The following ZBTB41 variants were observed in gnomAD, a reference collection of about 807,000 sequenced individuals.
The protein encoded by ZBTB41 is zinc finger and BTB domain-containing protein 41.
In ZBTB41, 42 loss-of-function variants were observed where a neutral mutation model predicts 87.6. The observed-to-expected ratio is 0.48, with a 90% confidence interval of 0.37 to 0.62. The LOEUF is 0.62. Ranked by LOEUF, ZBTB41 falls within the 20% of genes least tolerant of loss-of-function variation. The pLI, the probability that ZBTB41 is intolerant of heterozygous loss-of-function variation, is 0.00. For synonymous variants in ZBTB41, 364 were observed against 364.0 expected (o/e 1.00, Z 0.00); for missense variants, 799 against 1,078.9 (o/e 0.74, Z 3.63).
At chr1:197,179,408 T>C (rs1274027926) in intron 6 of ZBTB41, among the ~76,000 whole-genome samples, 2 of 152,126 alleles carry the variant, frequency 1.3e-5, no homozygotes, top group Admixed American at 1.3e-4. Flanking sequence ...TATATAGGCA[T>C]AGCACATACA....
rs1020917988 is a variant in ZBTB41, at chr1:197,157,914, A to C, written c.*1445T>G. 3.3e-5 allele frequency: 5 copies of C among 152,460 alleles called. No individual in the cohort carries two copies. Among genetic ancestry groups the C allele is most frequent in the South Asian group, 4.1e-4 (2 of 4,824 alleles). The allele number at this position is 152,460 out of a possible 1,614,324, so 9.4% of individuals were successfully genotyped here. ...TAGACTTTACAGTTTACACACACAA[A>C]AAAAGTGCTTAAAGCAATTAGGAGT... is the stretch of plus-strand genomic sequence containing the variant. On this transcript the variant is annotated 3_prime_UTR_variant, in exon 11 of 11. Coordinates refer to ENST00000367405, the MANE Select transcript of ZBTB41 (RefSeq NM_194314.3).
chr1:197,176,193 ACTT>A (rs79450517), intron 8 of ZBTB41, among the ~76,000 whole-genome samples: 47 of 152,034 alleles, frequency 3.1e-4, no homozygotes, highest in Non-Finnish European at 6.0e-4. Context: ...AGTTTCACCA[ACTT>A]CTTCTCAAAT....
In ZBTB41 at chr1:197,159,075, A is replaced by G; in HGVS notation, c.*284T>C. 1 of 313,000 alleles carries G rather than the reference A, an allele frequency of 3.2e-6. No individual in the cohort carries two copies. The highest frequency in any genetic ancestry group is 5.9e-6 in the Non-Finnish European group (1 of 170,298). The allele number at this position is 313,000 out of a possible 1,614,324, so 19.4% of individuals were successfully genotyped here. A position where few individuals can be genotyped will look rare whatever the true frequency, so the allele number is the denominator to read the frequency against. ...GATGATTAAAAAAAATACTTCCATA[A>G]TATCAGCAGCTAATAATTGCAAAAA... On this transcript the variant is annotated 3_prime_UTR_variant, in exon 11 of 11. Transcript: ENST00000367405.
At chr1:197,182,266 C>T (rs779489160) in intron 5 of ZBTB41, among the ~76,000 whole-genome samples, 2 of 152,162 alleles carry the variant, frequency 1.3e-5, no homozygotes, top group Non-Finnish European at 2.9e-5. Flanking sequence ...TTCAGCTGGG[C>T]AAAGGAAGAA....
chr1:197,191,936 A>C, intron 2 of ZBTB41, 37 bp from the exon 3 acceptor site: 1 of 1,493,494 alleles, frequency 6.7e-7, no homozygotes, highest in Admixed American at 2.1e-5. Flanking sequence ...AATTTAGTAC[A>C]TTTGCTATAC....
At chr1:197,185,782 A>C (rs894770441) in intron 5 of ZBTB41, among the ~76,000 whole-genome samples, 4 of 152,220 alleles carry the variant, frequency 2.6e-5, no homozygotes, top group African/African-American at 7.2e-5. Context: ...TAAATCTAAC[A>C]ACATAGGTAC....
At chr1:197,169,433 T>C (rs1269602837) in intron 10 of ZBTB41, among the ~76,000 whole-genome samples, 1 of 151,954 alleles carries the variant, frequency 6.6e-6, no homozygotes, top group Non-Finnish European at 1.5e-5. Context: ...ATTTATTAGG[T>C]AAAAGAATCC....
At position 197,176,697 on chromosome 1, in the gene ZBTB41, A is replaced by G. The variant is rs1427513274; in HGVS notation, c.1773-27T>C. The G allele has an allele frequency of 4.7e-6, 7 of 1,497,898 alleles. No individual in the cohort carries two copies. In the East Asian group the frequency reaches 1.4e-4, roughly 29 times the overall value. 92.8% of individuals were successfully genotyped at this position (1,497,898 alleles called of 1,614,324 possible). A position where few individuals can be genotyped will look rare whatever the true frequency, so the allele number is the denominator to read the frequency against. On this transcript the variant is annotated intron_variant, in intron 7 of 10. Transcript: ENST00000367405. ...TATAAAGAAAAAAGAATTGAACACCATTAAAACTGGTGACATAGAAGGAAA... is the reference window on the plus strand; with the variant it reads ...TATAAAGAAAAAAGAATTGAACACCGTTAAAACTGGTGACATAGAAGGAAA...
intron 8 of ZBTB41, 33 bp from the exon 9 acceptor site, chr1:197,175,148 A>T (rs1659571453): frequency 6.4e-7 from 1 of 1,562,048 alleles, no homozygotes; most frequent in Non-Finnish European, 8.8e-7. Flanking sequence ...TTTCATTATA[A>T]TATACATCTC....
chr1:197,195,640 T>C (rs746983278), intron 2 of ZBTB41, among the ~76,000 whole-genome samples: 4 of 152,140 alleles, frequency 2.6e-5, no homozygotes, highest in East Asian at 1.9e-4. Flanking sequence ...CTAGAAGAGA[T>C]TGTGAATTTA....
intron 5 of ZBTB41, among the ~76,000 whole-genome samples, chr1:197,184,637 T>C (rs10922177): frequency 0.18 from 26,759 of 152,096 alleles, 3,851 homozygotes; most frequent in East Asian, 0.69. Context: ...AAAACTACAT[T>C]TGTTTTGTAA....
rs780728786 is a variant in ZBTB41, at chr1:197,175,129, C to A, written c.1880-14G>T. The stretch of plus-strand genomic sequence containing the variant: ...GAGCTTTTTCACCTTAAAATAAAGA[C>A]CCAAATATTTTCATTATAATATACA... On this transcript the variant is annotated splice_polypyrimidine_tract_variant and intron_variant, in intron 8 of 10. Transcript: ENST00000367405. 1.2e-6 allele frequency: 2 copies of A among 1,601,014 alleles called. No homozygotes were observed. Among genetic ancestry groups the A allele is most frequent in the Non-Finnish European group, 1.7e-6 (2 of 1,171,582 alleles).
intron 7 of ZBTB41, among the ~76,000 whole-genome samples, chr1:197,177,706 CCT>C: frequency 1.3e-5 from 2 of 151,890 alleles, no homozygotes; most frequent in South Asian, 4.2e-4. Context: ...ATCTCCAGAG[CCT>C]CTCTCTCTAT....
In ZBTB41 at chr1:197,191,539, C is replaced by A. The variant is rs112430461; in HGVS notation, c.1328+153G>T. ...TTTCTGAAGACAGACTTGCCAAAAC[C>A]CAAGAAAGAAAACAGGATAATCAAA... On this transcript the variant is annotated intron_variant, in intron 3 of 10. Transcript: ENST00000367405. Among the ~76,000 whole-genome samples, 1,255 of 150,474 alleles carry A rather than the reference C, an allele frequency of 8.3e-3. 15 individuals carry two copies. The highest frequency in any genetic ancestry group is 0.028 in the African/African-American group (1,159 of 41,104).
At chr1:197,198,321 C>T (rs1190926549) in intron 2 of ZBTB41, among the ~76,000 whole-genome samples, 2 of 151,924 alleles carry the variant, frequency 1.3e-5, no homozygotes, top group Non-Finnish European at 2.9e-5. Context: ...AAGCAGATAC[C>T]ACTGTTATGT....
intron 10 of ZBTB41, among the ~76,000 whole-genome samples, chr1:197,166,188 A>G (rs1659340531): frequency 6.6e-6 from 1 of 152,194 alleles, no homozygotes; most frequent in South Asian, 2.1e-4. Flanking sequence ...CTTAAAGTAT[A>G]ATAATAAAAA....
intron 6 of ZBTB41, among the ~76,000 whole-genome samples, chr1:197,179,482 T>A (rs1253749887): frequency 6.6e-6 from 1 of 152,062 alleles, no homozygotes; most frequent in African/African-American, 2.4e-5. Flanking sequence ...GTATTTACTA[T>A]ACTTTTTATC....
At position 197,190,841 on chromosome 1, in the gene ZBTB41, G is replaced by A. The variant is rs763104581; in HGVS notation, c.1329-10C>T. The stretch of plus-strand genomic sequence containing the variant: ...ATTTTCAGGATGAAATCTATCAGAG[G>A]AAAAGAAAAAGATTATTAGGAAAAG... On this transcript the variant is annotated splice_polypyrimidine_tract_variant and intron_variant, in intron 3 of 10. Coordinates refer to ENST00000367405, the MANE Select transcript of ZBTB41 (RefSeq NM_194314.3). The A allele has an allele frequency of 2.0e-6, 3 of 1,536,400 alleles. No homozygotes were observed. Among genetic ancestry groups the A allele is most frequent in the East Asian group, 2.3e-5 (1 of 43,580 alleles).
chr1:197,183,642 T>C (rs747205981), intron 5 of ZBTB41, among the ~76,000 whole-genome samples: 3 of 152,214 alleles, frequency 2.0e-5, no homozygotes, highest in Non-Finnish European at 4.4e-5. Context: ...TTGGCAGAAA[T>C]AGTATCCCCA....
Sources: gnomAD v4.1 joint callset for allele counts (sites outside exome capture counted in the v4.1 genomes callset) on GRCh38, gnomAD v4.1.1 for gene constraint, MANE v1.5 for transcripts, NCBI Gene and HGNC (gene_info 2026-07-23, HGNC 2026-07-21) for gene names.